Variants in CALN1 observed in about 807,000 individuals in gnomAD.
CALN1 encodes calcium-binding protein 8.
CALN1 carries 17 observed loss-of-function variants against 30.6 expected under a neutral mutation model. The ratio of observed to expected loss-of-function variants is 0.56; its 90% CI spans 0.38 to 0.83. The LOEUF is 0.83. CALN1 is among the 40% of genes least tolerant of loss of function. CALN1 has a pLI of 0.00. For synonymous variants in CALN1, 156 were observed against 131.4 expected, an observed-to-expected ratio of 1.19 and a Z score of -1.28; for missense variants, 291 against 354.9, an observed-to-expected ratio of 0.82 and a Z score of 1.45.
intron 6 of CALN1, among the ~76,000 whole-genome samples, chr7:71,797,107 T>A (rs1786972890): frequency 6.6e-6 from 1 of 152,218 alleles, no homozygotes. Flanking sequence ...AGGTTCATAA[T>A]CCCTCTGCCT....
At chr7:71,907,473 G>T (rs905973313) in intron 5 of CALN1, among the ~76,000 whole-genome samples, 1 of 152,158 alleles carries the variant, frequency 6.6e-6, no homozygotes, top group South Asian at 2.1e-4. Flanking sequence ...CAGCACCTCA[G>T]CATCAGCAGA....
At chr7:72,311,016 T>G (rs951284679) in intron 2 of CALN1, among the ~76,000 whole-genome samples, 1 of 151,892 alleles carries the variant, frequency 6.6e-6, no homozygotes, top group Non-Finnish European at 1.5e-5. Flanking sequence ...ATGCATGGAA[T>G]TTTTCCAGTT....
At chr7:71,900,685 T>C (rs145051106) in intron 5 of CALN1, among the ~76,000 whole-genome samples, 77 of 152,286 alleles carry the variant, frequency 5.1e-4, no homozygotes, top group Admixed American at 8.5e-4. Context: ...CTAGGGCAGA[T>C]GTCTGTGGTC....
intron 4 of CALN1, among the ~76,000 whole-genome samples, chr7:72,101,088 C>T (rs1012753586): frequency 1.3e-5 from 2 of 151,804 alleles, no homozygotes; most frequent in Admixed American, 6.6e-5. Flanking sequence ...CTTAGCCTCC[C>T]GAGTAGCTGA....
intron 5 of CALN1, among the ~76,000 whole-genome samples, chr7:71,989,183 T>C (rs1352825286): frequency 6.6e-6 from 1 of 152,102 alleles, no homozygotes; most frequent in Admixed American, 6.6e-5. Context: ...CATACCTCTA[T>C]TCCCAACACT....
the CALN1 span, among the ~76,000 whole-genome samples, chr7:72,497,816 G>A: frequency 1.3e-5 from 2 of 152,138 alleles, no homozygotes; most frequent in African/African-American, 4.8e-5. Context: ...CTAATAAATA[G>A]AGGGGAAAAA....
chr7:72,153,094 CACAA>C (rs1365427785), intron 3 of CALN1, among the ~76,000 whole-genome samples: 7 of 152,318 alleles, frequency 4.6e-5, no homozygotes, highest in African/African-American at 1.7e-4. Flanking sequence ...ATAAATCAGT[CACAA>C]ACAGTGAATG....
At chr7:72,018,224 G>T (rs1800508343) in intron 5 of CALN1, among the ~76,000 whole-genome samples, 1 of 152,102 alleles carries the variant, frequency 6.6e-6, no homozygotes, top group South Asian at 2.1e-4. Context: ...GTAGGCACAT[G>T]ATGTGTGGCG....
chr7:72,212,427 A>T (rs1489855281), intron 3 of CALN1, among the ~76,000 whole-genome samples: 1 of 151,954 alleles, frequency 6.6e-6, no homozygotes, highest in African/African-American at 2.4e-5. Context: ...AAGGACTATG[A>T]CTAAGGAGAG....
the CALN1 span, among the ~76,000 whole-genome samples, chr7:72,493,170 CG>C: frequency 6.6e-6 from 1 of 152,140 alleles, no homozygotes; most frequent in East Asian, 1.9e-4. Flanking sequence ...ACCACCTCCC[CG>C]GGTCTCCCAC....
At chr7:72,408,001 G>T (rs186304602) in intron 1 of CALN1, among the ~76,000 whole-genome samples, 1 of 152,274 alleles carries the variant, frequency 6.6e-6, no homozygotes, top group East Asian at 1.9e-4. Flanking sequence ...CCCTTCTGTG[G>T]CACTAGGTAT....
At chr7:72,330,339 A>C (rs990220413) in intron 2 of CALN1, among the ~76,000 whole-genome samples, 3 of 151,830 alleles carry the variant, frequency 2.0e-5, no homozygotes, top group Non-Finnish European at 4.4e-5. Flanking sequence ...GTGGTGGTGT[A>C]CGTCTGTAAT....
chr7:72,305,020 C>T (rs1023838556), intron 2 of CALN1, among the ~76,000 whole-genome samples: 4 of 152,312 alleles, frequency 2.6e-5, no homozygotes, highest in East Asian at 1.9e-4. Context: ...CTGATGGCCA[C>T]GGCTACAGTG....
At chr7:72,212,062 C>A (rs147476553) in intron 3 of CALN1, among the ~76,000 whole-genome samples, 98 of 152,054 alleles carry the variant, frequency 6.4e-4, no homozygotes, top group African/African-American at 2.3e-3. Flanking sequence ...CTGTTAAATA[C>A]CAGAGAGGGG....
intron 3 of CALN1, among the ~76,000 whole-genome samples, chr7:72,145,514 A>G (rs1011928209): frequency 6.6e-6 from 1 of 152,214 alleles, no homozygotes. Flanking sequence ...AGGACCAGAC[A>G]GATTCACAGC....
intron 3 of CALN1, among the ~76,000 whole-genome samples, chr7:72,239,295 G>A (rs986771719): frequency 7.2e-5 from 11 of 152,056 alleles, no homozygotes; most frequent in African/African-American, 2.7e-4. Flanking sequence ...CTACGCAGGA[G>A]GCTGAAGCAG....
At chr7:72,386,538 T>G (rs2129561143) in intron 2 of CALN1, among the ~76,000 whole-genome samples, 1 of 152,338 alleles carries the variant, frequency 6.6e-6, no homozygotes, top group African/African-American at 2.4e-5. Flanking sequence ...GGAGCCAGAT[T>G]GCAGTACTGA....
chr7:71,850,388 G>T (rs929841939), intron 5 of CALN1, among the ~76,000 whole-genome samples: 4 of 132,284 alleles, frequency 3.0e-5, no homozygotes, highest in African/African-American at 1.0e-4. Context: ...GCTAATTTTT[G>T]TATTTTTTTA....
chr7:72,322,389 C>T (rs1374533602), intron 2 of CALN1, among the ~76,000 whole-genome samples: 1 of 152,198 alleles, frequency 6.6e-6, no homozygotes, highest in African/African-American at 2.4e-5. Flanking sequence ...CACCGCTCAC[C>T]TCCTTCTGGG....
Sources: gnomAD v4.1 joint callset for allele counts (sites outside exome capture counted in the v4.1 genomes callset) on GRCh38, gnomAD v4.1.1 for gene constraint, MANE v1.5 for transcripts, NCBI Gene and HGNC (gene_info 2026-07-23, HGNC 2026-07-21) for gene names.